ADGRL2: variants seen among roughly 807,000 people sequenced by gnomAD.
ADGRL2 encodes the protein adhesion G protein-coupled receptor L2.
In ADGRL2, 44 loss-of-function variants were observed where a neutral mutation model predicts 157.4. That is an observed-to-expected ratio of 0.28 (90% CI 0.22 to 0.36). The LOEUF (loss-of-function observed/expected upper bound fraction) is 0.36. Among genes scored for constraint, ADGRL2 ranks in the 10% least tolerant of loss-of-function variants. ADGRL2 has a pLI of 1.00. For synonymous variants in ADGRL2, 585 were observed against 624.7 expected (o/e 0.94, Z 0.95); for missense variants, 1,510 against 1,768.9 (o/e 0.85, Z 2.63).
At chr1:81,601,016 A>C (rs1285862790) in intron 3 of ADGRL2, among the ~76,000 whole-genome samples, 1 of 152,198 alleles carries the variant, frequency 6.6e-6, no homozygotes. Flanking sequence ...ACACTCAAGT[A>C]ATGAGTGTGC....
rs372308324 is a variant in ADGRL2, at chr1:81,568,951, C to T, written c.-247-11925C>T. 3.9e-5 allele frequency among the ~76,000 whole-genome samples: 6 copies of T among 152,098 alleles called. No homozygotes were observed. The East Asian group carries it at 1.2e-3, about 29-fold the overall frequency. On this transcript the variant is annotated intron_variant, in intron 2 of 24. Coordinates refer to the ADGRL2 transcript ENST00000370721. ...TTTAGGTAGACTGACAATAGCTTCT[C>T]AATTACTTGCTTTGCTGATCTATCG... is the stretch of plus-strand genomic sequence containing the variant.
intron 17 of ADGRL2, among the ~76,000 whole-genome samples, chr1:81,975,063 A>G (rs940164789): frequency 2.0e-5 from 3 of 151,786 alleles, no homozygotes; most frequent in African/African-American, 7.3e-5. Context: ...ATAGCCATCT[A>G]TTTACCTGTA....
rs576391382 is a variant in ADGRL2 at position 81,724,964 on chromosome 1, G to A, written c.-143+25156G>A. On this transcript the variant is annotated intron_variant, in intron 1 of 20. Coordinates refer to the ADGRL2 transcript ENST00000359929. ...CTCACGCCTGTAATCCCAGCACTTC[G>A]GGAGGCCGAGGCAGGTGGATCACAA... Among the ~76,000 whole-genome samples the A allele has an allele frequency of 4.6e-5, 7 of 152,224 alleles. No homozygotes were observed. In the East Asian group the frequency reaches 9.7e-4, roughly 21 times the overall value.
At chr1:81,795,953 A>G (rs2149435610), upstream of ADGRL2, among the ~76,000 whole-genome samples, 1 of 152,188 alleles carries the variant, frequency 6.6e-6, no homozygotes, top group Middle Eastern at 3.4e-3. Context: ...TGTGCACTAA[A>G]AGGGGATCAG....
At chr1:81,463,355 G>A (rs1274368863) in intron 2 of ADGRL2, among the ~76,000 whole-genome samples, 1 of 151,856 alleles carries the variant, frequency 6.6e-6, no homozygotes, top group African/African-American at 2.4e-5. Context: ...GAAGAGTGTA[G>A]ACCCTCTTCT....
chr1:81,473,321 G>A (rs1322660973), intron 2 of ADGRL2, among the ~76,000 whole-genome samples: 1 of 152,124 alleles, frequency 6.6e-6, no homozygotes, highest in East Asian at 1.9e-4. Flanking sequence ...CTGTATGGTA[G>A]GCCTTTGGCA....
intron 1 of ADGRL2, among the ~76,000 whole-genome samples, chr1:81,737,306 T>C (rs1167104799): frequency 6.6e-6 from 1 of 152,188 alleles, no homozygotes; most frequent in Non-Finnish European, 1.5e-5. Flanking sequence ...TCAGGAAACT[T>C]ACAATCATGG....
At chr1:81,855,947 G>C (rs996031659) in intron 2 of ADGRL2, among the ~76,000 whole-genome samples, 1 of 152,172 alleles carries the variant, frequency 6.6e-6, no homozygotes, top group Non-Finnish European at 1.5e-5. Context: ...GCTGATGAGG[G>C]AAAGGGTGAT....
At chr1:81,356,578 T>A (rs1052436400) in intron 1 of ADGRL2, among the ~76,000 whole-genome samples, 1 of 152,152 alleles carries the variant, frequency 6.6e-6, no homozygotes, top group Admixed American at 6.5e-5. Flanking sequence ...TGAAGTGATA[T>A]GTACTCAAGA....
chr1:81,677,387 T>C (rs898749981), intron 3 of ADGRL2, among the ~76,000 whole-genome samples: 2 of 152,226 alleles, frequency 1.3e-5, no homozygotes, highest in African/African-American at 4.8e-5. Context: ...GAGCTTCATA[T>C]AGCCGGAATA....
chr1:81,772,292 T>C (rs1203925181), intron 2 of ADGRL2, among the ~76,000 whole-genome samples: 1 of 151,976 alleles, frequency 6.6e-6, no homozygotes, highest in Non-Finnish European at 1.5e-5. Context: ...TTTAATTTCA[T>C]TGTTAATAAC....
chr1:81,851,080 A>C (rs2092989085), intron 2 of ADGRL2, among the ~76,000 whole-genome samples: 1 of 151,936 alleles, frequency 6.6e-6, no homozygotes, highest in African/African-American at 2.4e-5. Flanking sequence ...AAAACAAAGG[A>C]GTGTCCATGC....
At chr1:81,338,768 T>C (rs1661838734) in intron 1 of ADGRL2, among the ~76,000 whole-genome samples, 1 of 152,190 alleles carries the variant, frequency 6.6e-6, no homozygotes, top group Non-Finnish European at 1.5e-5. Flanking sequence ...GTAATGCCAC[T>C]GGAGTAATTC....
At chr1:81,502,557 A>G (rs1285282769) in intron 2 of ADGRL2, 5 of 1,613,918 alleles carry the variant, frequency 3.1e-6, no homozygotes, top group African/African-American at 1.3e-5. Flanking sequence ...GTGACCGAGA[A>G]GGGGGGCCTG....
At chr1:81,661,158 C>T (rs1338753359) in intron 3 of ADGRL2, among the ~76,000 whole-genome samples, 1 of 151,540 alleles carries the variant, frequency 6.6e-6, no homozygotes, top group African/African-American at 2.4e-5. Flanking sequence ...ATTTAAATAT[C>T]TTAGGTGTTT....
chr1:81,720,189 T>C lies in ADGRL2; in HGVS notation c.-143+20381T>C, dbSNP rs186517631. ...AGCATTCCTTTTTTTCTTTTCTTTT[T>C]TTTTTTTTTTTGAGACGTAATCTTG... On this transcript the variant is annotated intron_variant, in intron 1 of 20. Transcript: ENST00000359929. Among the ~76,000 whole-genome samples, 96 of 150,176 alleles carry C rather than the reference T, an allele frequency of 6.4e-4. No individual in the cohort carries two copies. In the East Asian group the frequency reaches 0.015, roughly 24 times the overall value.
intron 2 of ADGRL2, among the ~76,000 whole-genome samples, chr1:81,546,826 T>C (rs771239091): frequency 6.6e-6 from 1 of 152,140 alleles, no homozygotes; most frequent in Non-Finnish European, 1.5e-5. Flanking sequence ...TGAAGAGGTG[T>C]CCTCTAAGTC....
At chr1:81,390,992 A>G (rs2076539362) in intron 1 of ADGRL2, among the ~76,000 whole-genome samples, 1 of 152,304 alleles carries the variant, frequency 6.6e-6, no homozygotes, top group Non-Finnish European at 1.5e-5. Context: ...AAATACAAAC[A>G]CTCATGGAAA....
intron 2 of ADGRL2, among the ~76,000 whole-genome samples, chr1:81,461,471 C>T (rs1207079698): frequency 2.0e-5 from 3 of 152,080 alleles, no homozygotes; most frequent in South Asian, 2.1e-4. Context: ...GTCAGTAATG[C>T]CCAGTTACCT....
Sources: gnomAD v4.1 joint callset for allele counts (sites outside exome capture counted in the v4.1 genomes callset) on GRCh38, gnomAD v4.1.1 for gene constraint, MANE v1.5 for transcripts, NCBI Gene and HGNC (gene_info 2026-07-23, HGNC 2026-07-21) for gene names.